EVI5: variants seen among roughly 807,000 people sequenced by gnomAD.
The protein encoded by EVI5 is ecotropic viral integration site 5, also known as ecotropic viral integration site 5 protein homolog.
EVI5 carries 73 observed loss-of-function variants against 112.0 expected under a neutral mutation model. The ratio of observed to expected loss-of-function variants is 0.65; its 90% CI spans 0.54 to 0.79. The LOEUF is 0.79. Ranked by LOEUF, EVI5 falls within the 30% of genes least tolerant of loss-of-function variation. The probability of loss-of-function intolerance (pLI) is 0.00; values close to 1 mark genes in which losing one functional copy is unlikely to be tolerated. For missense variants in EVI5, 900 were observed against 968.8 expected, an observed-to-expected ratio of 0.93 and a Z score of 0.94; for synonymous variants, 305 against 319.9, an observed-to-expected ratio of 0.95 and a Z score of 0.50.
intron 18 of EVI5, 87 bp from the exon 19 acceptor site, chr1:92,563,824 A>G: frequency 1.4e-6 from 1 of 702,056 alleles, no homozygotes; most frequent in Non-Finnish European, 2.5e-6. Flanking sequence ...GGAAAAGCAT[A>G]GGCACATACC....
At chr1:92,711,781 T>C (rs1240597074) in intron 2 of EVI5, among the ~76,000 whole-genome samples, 1 of 152,222 alleles carries the variant, frequency 6.6e-6, no homozygotes, top group Admixed American at 6.5e-5. Flanking sequence ...GGTAAAAGAA[T>C]GGAAAATGAT....
At chr1:92,559,072 T>C (rs1471427765) in intron 19 of EVI5, among the ~76,000 whole-genome samples, 2 of 152,168 alleles carry the variant, frequency 1.3e-5, no homozygotes, top group African/African-American at 2.4e-5. Context: ...TATTTGCATA[T>C]AACCTATGCC....
chr1:92,762,078 G>A (rs1210975391), intron 1 of EVI5, among the ~76,000 whole-genome samples: 1 of 152,042 alleles, frequency 6.6e-6, no homozygotes, highest in Non-Finnish European at 1.5e-5. Flanking sequence ...CAGAGCACTG[G>A]CTTCAGAAGA....
intron 9 of EVI5, among the ~76,000 whole-genome samples, chr1:92,692,650 G>A (rs768762323): frequency 3.9e-5 from 6 of 152,046 alleles, no homozygotes; most frequent in East Asian, 1.9e-4. Context: ...CTCAGCCTCC[G>A]GAGTAGCTGG....
chr1:92,694,685 C>T (rs981689847), intron 7 of EVI5, among the ~76,000 whole-genome samples: 2 of 152,116 alleles, frequency 1.3e-5, no homozygotes, highest in Non-Finnish European at 2.9e-5. Flanking sequence ...GGATTTCGCA[C>T]AAAAATCTGT....
intron 2 of EVI5, chr1:92,732,407 T>C (rs557060174): frequency 7.6e-6 from 2 of 262,176 alleles, no homozygotes; most frequent in African/African-American, 2.3e-5. Flanking sequence ...TGACAAAAAA[T>C]AGTGAAACAG....
At chr1:92,514,044 GT>G in intron 19 of EVI5, 74 bp from the exon 20 acceptor site, 2 of 892,500 alleles carry the variant, frequency 2.2e-6, no homozygotes. Flanking sequence ...AACATTCCAT[GT>G]TTAAGGAAGA....
At chr1:92,652,139 T>TAC (rs1376452843) in intron 13 of EVI5, among the ~76,000 whole-genome samples, 2 of 152,182 alleles carry the variant, frequency 1.3e-5, no homozygotes, top group Non-Finnish European at 2.9e-5. Context: ...ACGTAGTATA[T>TAC]ACATACTATG....
rs1173718893 is a variant in EVI5, at chr1:92,686,484, C to G, written c.1097+7318G>C. Among the ~76,000 whole-genome samples the G allele has an allele frequency of 2.0e-5, 3 of 152,322 alleles. No homozygotes were observed. The East Asian group carries it at 5.8e-4, about 29-fold the overall frequency. On this transcript the variant is annotated intron_variant, in intron 9 of 19. Coordinates refer to ENST00000684568, the MANE Select transcript of EVI5 (RefSeq NM_001350197.2). ...GAAGCATTCCCTTTGAAAACCTGCA[C>G]AAGGCAAGGATGCCCTCTCTCACCA... is the stretch of plus-strand genomic sequence containing the variant.
At chr1:92,700,470 T>C (rs1300306544) in intron 5 of EVI5, among the ~76,000 whole-genome samples, 4 of 152,196 alleles carry the variant, frequency 2.6e-5, no homozygotes, top group East Asian at 1.9e-4. Flanking sequence ...AAGTGACTAC[T>C]GTTCTTGTGT....
At chr1:92,736,667 C>CATCTCA in intron 1 of EVI5, 40 bp from the exon 2 acceptor site, 1 of 1,247,794 alleles carries the variant, frequency 8.0e-7, no homozygotes, top group Middle Eastern at 1.9e-4. Flanking sequence ...TTTAGTTACA[C>CATCTCA]TGTATTCATT....
intron 19 of EVI5, among the ~76,000 whole-genome samples, chr1:92,559,961 T>C (rs1668274940): frequency 1.3e-5 from 2 of 152,078 alleles, no homozygotes; most frequent in Admixed American, 6.6e-5. Context: ...ATCAGGGAAA[T>C]GCACATTAAA....
At chr1:92,661,501 T>C (rs575180496) in intron 13 of EVI5, among the ~76,000 whole-genome samples, 1 of 152,282 alleles carries the variant, frequency 6.6e-6, no homozygotes, top group South Asian at 2.1e-4. Context: ...CTTATTGTGT[T>C]TTCTTTAGAA....
intron 9 of EVI5, among the ~76,000 whole-genome samples, chr1:92,678,699 T>A (rs1467842505): frequency 1.3e-5 from 2 of 152,010 alleles, no homozygotes; most frequent in African/African-American, 4.8e-5. Context: ...TACCACCAAA[T>A]TTTTTTTATC....
At chr1:92,782,015 C>G (rs902239446) in intron 1 of EVI5, among the ~76,000 whole-genome samples, 1 of 140,542 alleles carries the variant, frequency 7.1e-6, no homozygotes, top group Non-Finnish European at 1.5e-5. Context: ...AATCCCAGCA[C>G]TTTAGGAGGC....
At chr1:92,756,580 AAG>A (rs2102960389) in intron 1 of EVI5, 1 of 507,352 alleles carries the variant, frequency 2.0e-6, no homozygotes, top group South Asian at 1.5e-5. Flanking sequence ...GAAAGAAGCA[AAG>A]AGAGGACAAG....
chr1:92,682,322 T>C (rs1171655111), intron 9 of EVI5, among the ~76,000 whole-genome samples: 3 of 152,188 alleles, frequency 2.0e-5, no homozygotes, highest in African/African-American at 7.2e-5. Flanking sequence ...TCTCTCCATG[T>C]CCTTTATCTG....
intron 19 of EVI5, among the ~76,000 whole-genome samples, chr1:92,514,719 G>A (rs2101638381): frequency 6.6e-6 from 1 of 152,180 alleles, no homozygotes; most frequent in South Asian, 2.1e-4. Flanking sequence ...CTTGTTCCTG[G>A]ATAATTTTGA....
chr1:92,762,894 C>T (rs956395534), intron 1 of EVI5, among the ~76,000 whole-genome samples: 5 of 152,098 alleles, frequency 3.3e-5, no homozygotes, highest in African/African-American at 1.2e-4. Context: ...GTGATGGCTA[C>T]ACTAAAAGTC....
Sources: allele counts gnomAD v4.1 joint callset (sites outside exome capture counted in the v4.1 genomes callset), GRCh38; gene constraint gnomAD v4.1.1; transcripts MANE v1.5; gene names NCBI Gene and HGNC (gene_info 2026-07-23, HGNC 2026-07-21).